Variants in POLR3H observed in about 807,000 individuals in gnomAD.
POLR3H encodes RNA polymerase III subunit H.
Under a neutral mutation model 25.5 loss-of-function variants are expected in POLR3H, and 17 were observed. The observed-to-expected ratio is 0.67, with a 90% CI of 0.46 to 1.00. The LOEUF (loss-of-function observed/expected upper bound fraction) is 1.00. Among genes scored for constraint, POLR3H ranks in the 50% least tolerant of loss-of-function variants. The probability of loss-of-function intolerance (pLI) is 0.00; values close to 1 mark genes in which losing one functional copy is unlikely to be tolerated. For synonymous variants in POLR3H, 129 were observed against 103.0 expected, an observed-to-expected ratio of 1.25 and a Z score of -1.53; for missense variants, 274 against 265.0, an observed-to-expected ratio of 1.03 and a Z score of -0.24.
In POLR3H at chr22:41,526,575, C is replaced by T. The variant is rs2066601572; in HGVS notation, c.*2708G>A. ...GGAGGCCGACCAAGCCCAAAGGGGA[C>T]TGCTGTGGAAGGGAGGAGAGGCCTG... On this transcript the variant is annotated 3_prime_UTR_variant, in exon 6 of 6. Coordinates refer to ENST00000355209, the MANE Select transcript of POLR3H (RefSeq NM_001018050.4). 2 of 1,154,896 alleles carry T rather than the reference C, an allele frequency of 1.7e-6. No homozygotes were observed. Among genetic ancestry groups the T allele is most frequent in the Non-Finnish European group, 2.4e-6 (2 of 834,928 alleles). 71.5% of individuals were successfully genotyped at this position (1,154,896 alleles called of 1,614,324 possible).
At chr22:41,531,757 G>A (rs930499060) in intron 4 of POLR3H, among the ~76,000 whole-genome samples, 1 of 152,242 alleles carries the variant, frequency 6.6e-6, no homozygotes, top group African/African-American at 2.4e-5. Context: ...CAGGGCAAGT[G>A]ATCTTTAAGA....
intron 2 of POLR3H, among the ~76,000 whole-genome samples, chr22:41,533,901 G>T (rs1239356456): frequency 1.3e-5 from 2 of 152,188 alleles, no homozygotes; most frequent in Admixed American, 1.3e-4. Context: ...CACTTTGGGA[G>T]GCCGAGGTGG....
At position 41,529,948 on chromosome 22, in the gene POLR3H, G is replaced by A. The variant is rs573106009; in HGVS notation, c.562-612C>T. ...TTTTTTGTATTTTTAGTAGAGATGG[G>A]GTTTCACCGTGTTAGCCAGGATGGT... On this transcript the variant is annotated intron_variant, in intron 5 of 5. Transcript: ENST00000355209. Among the ~76,000 whole-genome samples, 12 of 151,812 alleles carry A rather than the reference G, an allele frequency of 7.9e-5. No individual in the cohort carries two copies. In the South Asian group the frequency reaches 1.2e-3, roughly 16 times the overall value.
At chr22:41,541,210 A>G (rs186223179) in intron 1 of POLR3H, among the ~76,000 whole-genome samples, 1 of 152,312 alleles carries the variant, frequency 6.6e-6, no homozygotes, top group African/African-American at 2.4e-5. Context: ...GATCTTTGTT[A>G]TTACTAGTGA....
chr22:41,532,277 T>C (rs987267944), intron 3 of POLR3H, 120 bp from the exon 4 acceptor site: 25 of 972,350 alleles, frequency 2.6e-5, no homozygotes, highest in Non-Finnish European at 3.1e-5. Flanking sequence ...CGGATGTCGC[T>C]GTGGAAACCT....
At position 41,529,268 on chromosome 22, in the gene POLR3H, T is replaced by C. The variant is rs1335054981; in HGVS notation, c.*15A>G. 1.9e-6 allele frequency: 3 copies of C among 1,610,480 alleles called. No individual in the cohort carries two copies. The highest frequency in any genetic ancestry group is 1.7e-5 in the Admixed American group (1 of 59,906). On this transcript the variant is annotated 3_prime_UTR_variant, in exon 6 of 6. Transcript: ENST00000355209. Reference sequence around the variant, plus strand: ...CTTCCCGCAGGCTGGTAGGGTCCACTGTCCAGCCCCAGGGCTAGTTGCTGG... The same window carrying C: ...CTTCCCGCAGGCTGGTAGGGTCCACCGTCCAGCCCCAGGGCTAGTTGCTGG...
chr22:41,533,531 C>G (rs535540944), intron 2 of POLR3H: 1 of 1,240,924 alleles, frequency 8.1e-7, no homozygotes, highest in Admixed American at 2.6e-5. Flanking sequence ...CCAGACAGGG[C>G]CACCGGGTCG....
At position 41,526,799 on chromosome 22, in the gene POLR3H, A is replaced by G; in HGVS notation, c.*2484T>C. 1 of 314,968 alleles carries G rather than the reference A, an allele frequency of 3.2e-6. No individual in the cohort carries two copies. The highest frequency in any genetic ancestry group is 6.1e-5 in the East Asian group (1 of 16,396). The allele number at this position is 314,968 out of a possible 1,614,324, so 19.5% of individuals were successfully genotyped here. On this transcript the variant is annotated 3_prime_UTR_variant, in exon 6 of 6. Transcript: ENST00000355209. ...GGGGCCTCACAGTGAGCAGGCAGAGAGGGTCTGAGGTGATTGGACTTTTTC... is the reference window on the plus strand; with the variant it reads ...GGGGCCTCACAGTGAGCAGGCAGAGGGGGTCTGAGGTGATTGGACTTTTTC...
chr22:41,533,908 G>T (rs1250005763), intron 2 of POLR3H, among the ~76,000 whole-genome samples: 1 of 152,228 alleles, frequency 6.6e-6, no homozygotes, highest in East Asian at 1.9e-4. Context: ...GGAGGCCGAG[G>T]TGGGCAGATC....
intron 2 of POLR3H, among the ~76,000 whole-genome samples, chr22:41,533,011 G>A (rs1163910338): frequency 1.3e-5 from 2 of 152,228 alleles, no homozygotes; most frequent in Non-Finnish European, 2.9e-5. Context: ...TGGCTCCAAA[G>A]TCAATTTCAA....
rs530735079 is a variant in POLR3H, at chr22:41,529,182, G to A, written c.*101C>T. 6 of 1,075,780 alleles carry A rather than the reference G, an allele frequency of 5.6e-6. No individual in the cohort carries two copies. The highest frequency in any genetic ancestry group is 2.9e-5 in the South Asian group (2 of 68,984). The allele number at this position is 1,075,780 out of a possible 1,614,324, so 66.6% of individuals were successfully genotyped here. ...CTGGCCTTGCCTCACTGTCCAGCTC[G>A]AGACACTATCTCCTTAGCATCGGCC... is the stretch of plus-strand genomic sequence containing the variant. On this transcript the variant is annotated 3_prime_UTR_variant, in exon 6 of 6. Coordinates refer to ENST00000355209, the MANE Select transcript of POLR3H (RefSeq NM_001018050.4).
At position 41,529,258 on chromosome 22, in the gene POLR3H, T is replaced by A; in HGVS notation, c.*25A>T. 1 of 1,604,254 alleles carries A rather than the reference T, an allele frequency of 6.2e-7. No individual in the cohort carries two copies. Among genetic ancestry groups the A allele is most frequent in the Non-Finnish European group, 8.5e-7 (1 of 1,173,078 alleles). ...GCCATACCACCTTCCCGCAGGCTGG[T>A]AGGGTCCACTGTCCAGCCCCAGGGC... On this transcript the variant is annotated 3_prime_UTR_variant, in exon 6 of 6. Transcript: ENST00000355209.
rs568806410 is a variant in POLR3H, at chr22:41,544,422, A to T, written c.-321T>A. On this transcript the variant is annotated 5_prime_UTR_variant, in exon 1 of 6. Transcript: ENST00000355209. ...CGCGCCACGTGCCGCCGCTCGTATC[A>T]CGCACCACGCACCACGCACCGCGCA... 5.3e-6 allele frequency: 1 copy of T among 186,986 alleles called. No individual in the cohort carries two copies. Among genetic ancestry groups the T allele is most frequent in the Non-Finnish European group, 9.6e-6 (1 of 104,078 alleles). The allele number at this position is 186,986 out of a possible 1,614,324, so 11.6% of individuals were successfully genotyped here. A position where few individuals can be genotyped will look rare whatever the true frequency, so the allele number is the denominator to read the frequency against.
chr22:41,528,715 G>A lies in POLR3H; in HGVS notation c.*568C>T. 3 of 1,483,818 alleles carry A rather than the reference G, an allele frequency of 2.0e-6. No homozygotes were observed. The highest frequency in any genetic ancestry group is 1.4e-5 in the African/African-American group (1 of 72,216). 91.9% of individuals were successfully genotyped at this position (1,483,818 alleles called of 1,614,324 possible). Reference sequence around the variant, plus strand: ...CCATGGCTTCCTATTCCAAGATGGTGTGACCAGACATGCTTCCTGCTCCCC... The same window carrying A: ...CCATGGCTTCCTATTCCAAGATGGTATGACCAGACATGCTTCCTGCTCCCC... On this transcript the variant is annotated 3_prime_UTR_variant, in exon 6 of 6. Transcript: ENST00000355209.
intron 2 of POLR3H, among the ~76,000 whole-genome samples, chr22:41,534,717 C>A (rs1405375677): frequency 2.0e-5 from 3 of 151,968 alleles, no homozygotes; most frequent in African/African-American, 7.3e-5. Context: ...CATAGTGAAA[C>A]CCCGTCTCTA....
rs2066641725 is a variant in POLR3H at position 41,528,065 on chromosome 22, G to A, written c.*1218C>T. Reference sequence around the variant, plus strand: ...CCCTGAGGTGGTGGGGTGAGGGGCAGCCACCTTGTTTCCCCTCCTGCACTG... The same window carrying A: ...CCCTGAGGTGGTGGGGTGAGGGGCAACCACCTTGTTTCCCCTCCTGCACTG... On this transcript the variant is annotated 3_prime_UTR_variant, in exon 6 of 6. Transcript: ENST00000355209. 11 of 1,612,880 alleles carry A rather than the reference G, an allele frequency of 6.8e-6. No homozygotes were observed. In the East Asian group the frequency reaches 2.5e-4, roughly 36 times the overall value.
Position 41,527,052 on chromosome 22 carries a change from CTTCT to C in POLR3H, c.*2227_*2230del, listed in dbSNP as rs2066614197. 1.7e-6 allele frequency: 1 copy of C among 604,650 alleles called. No individual in the cohort carries two copies. The highest frequency in any genetic ancestry group is 2.9e-6 in the Non-Finnish European group (1 of 346,178). The allele number at this position is 604,650 out of a possible 1,614,324, so 37.5% of individuals were successfully genotyped here. ...CCAAGCACCAATGGGTGGCTTCTGTCTTCTTTGCCACTGCAAACAACCACGTGCC... is the reference window on the plus strand; with the variant it reads ...CCAAGCACCAATGGGTGGCTTCTGTCTTGCCACTGCAAACAACCACGTGCC... On this transcript the variant is annotated 3_prime_UTR_variant, in exon 6 of 6. Coordinates refer to ENST00000355209, the MANE Select transcript of POLR3H (RefSeq NM_001018050.4).
chr22:41,529,135 C>A lies in POLR3H; in HGVS notation c.*148G>T. On this transcript the variant is annotated 3_prime_UTR_variant, in exon 6 of 6. Transcript: ENST00000355209. ...GAGCAGGGCCTAGATGGTGGAGGAGCGGGGCAAGCTGGTGGGCACTCCTGG... is the reference window on the plus strand; with the variant it reads ...GAGCAGGGCCTAGATGGTGGAGGAGAGGGGCAAGCTGGTGGGCACTCCTGG... 1.5e-6 allele frequency: 1 copy of A among 649,624 alleles called. No individual in the cohort carries two copies. Among genetic ancestry groups the A allele is most frequent in the South Asian group, 1.9e-5 (1 of 53,208 alleles). The allele number at this position is 649,624 out of a possible 1,614,324, so 40.2% of individuals were successfully genotyped here. A position where few individuals can be genotyped will look rare whatever the true frequency, so the allele number is the denominator to read the frequency against.
intron 3 of POLR3H, among the ~76,000 whole-genome samples, chr22:41,532,448 G>A (rs1289264630): frequency 6.6e-6 from 1 of 152,200 alleles, no homozygotes; most frequent in Admixed American, 6.5e-5. Flanking sequence ...TGCCCACCCT[G>A]AAGTCCTGAG....
Sources: gnomAD v4.1 joint callset for allele counts (sites outside exome capture counted in the v4.1 genomes callset) on GRCh38, gnomAD v4.1.1 for gene constraint, MANE v1.5 for transcripts, NCBI Gene and HGNC (gene_info 2026-07-23, HGNC 2026-07-21) for gene names.